Variants in GGA1 observed in about 807,000 individuals in gnomAD.
GGA1 encodes golgi associated, gamma adaptin ear containing, ARF binding protein 1, also known as ADP-ribosylation factor-binding protein GGA1.
A neutral mutation model predicts 76.9 loss-of-function variants in GGA1; 18 were observed. That is an observed-to-expected ratio of 0.23 (90% CI 0.16 to 0.35). The LOEUF is 0.35. GGA1 is among the 10% of genes least tolerant of loss of function. GGA1 has a pLI of 1.00. For synonymous variants in GGA1, 342 were observed against 354.7 expected (o/e 0.96, Z 0.40); for missense variants, 755 against 859.0 (o/e 0.88, Z 1.51).
rs1932054468 is a variant in GGA1 at position 37,632,775 on chromosome 22, A to G, written c.*64A>G. On this transcript the variant is annotated 3_prime_UTR_variant, in exon 17 of 17. Transcript: ENST00000343632. The surrounding 1 kb of genome is among the most constrained non-coding windows in gnomAD (Gnocchi z 5.1). ...GTCACTGTCCAGCCTGGAGGGAGGC[A>G]TTGGTGGCCAAGGACACCCTTTGTT... 1.0e-6 allele frequency: 1 copy of G among 988,980 alleles called. No individual in the cohort carries two copies. The highest frequency in any genetic ancestry group is 1.6e-5 in the African/African-American group (1 of 62,258). The allele number at this position is 988,980 out of a possible 1,614,324, so 61.3% of individuals were successfully genotyped here. A position where few individuals can be genotyped will look rare whatever the true frequency, so the allele number is the denominator to read the frequency against.
chr22:37,630,577 C>A, intron 13 of GGA1: 1 of 447,156 alleles, frequency 2.2e-6, no homozygotes. Context: ...ATCACTTTTT[C>A]TTTTTTTGAG....
chr22:37,630,362 C>G (rs760036453), intron 13 of GGA1, 192 bp downstream of exon 13: 2 of 541,210 alleles, frequency 3.7e-6, no homozygotes, highest in East Asian at 3.4e-5. Context: ...GGCCCACTGG[C>G]CTGGCCTCCC....
chr22:37,616,995 A>G lies in GGA1; in HGVS notation c.202A>G (p.Thr68Ala). 6.2e-7 allele frequency: 1 copy of G among 1,604,038 alleles called. No homozygotes were observed. The highest frequency in any genetic ancestry group is 8.5e-7 in the Non-Finnish European group (1 of 1,175,342). ...PQEWEAIQALTVLETCMKSCG... is the reference protein window; with the variant it reads ...PQEWEAIQALAVLETCMKSCG... ...GGAGTGGGAGGCGATCCAGGCCTTG[A>G]CGGTGAGAAGGGGAGAGGCCACCAT... The change falls in exon 3 of 17, where the codon ACG becomes GCG. Residue 68 changes from threonine to alanine, a missense_variant and splice_region_variant. Thr to Ala is a moderately conservative substitution (Grantham distance 58). Coordinates refer to ENST00000343632, the MANE Select transcript of GGA1 (RefSeq NM_013365.5).
Position 37,624,089 on chromosome 22 carries a change from A to G in GGA1, c.832+456A>G, listed in dbSNP as rs1251163491. The G allele has an allele frequency of 5.8e-6, 1 of 173,406 alleles. No homozygotes were observed. Among genetic ancestry groups the G allele is most frequent in the South Asian group, 1.1e-4 (1 of 8,722 alleles). The allele number at this position is 173,406 out of a possible 1,614,324, so 10.7% of individuals were successfully genotyped here. A position where few individuals can be genotyped will look rare whatever the true frequency, so the allele number is the denominator to read the frequency against. ...CTGACGGCTTCTGCCAGGGCCACAT[A>G]CCAGGTTCTTTTCCTTGATCTCTGC... On this transcript the variant is annotated intron_variant, in intron 9 of 16. Transcript: ENST00000343632. This position sits in a 1 kb window ranked among gnomAD's most constrained non-coding sequence, Gnocchi z 4.3.
At chr22:37,609,408 C>A in intron 1 of GGA1, 1 of 856,654 alleles carries the variant, frequency 1.2e-6, no homozygotes, top group Non-Finnish European at 1.5e-6. Flanking sequence ...GGACCCACTG[C>A]CCCATTTGAT....
rs1465372340 is a variant in GGA1, at chr22:37,624,836, G to A, written c.833-133G>A. 1.5e-5 allele frequency: 19 copies of A among 1,253,574 alleles called. No homozygotes were observed. Among genetic ancestry groups the A allele is most frequent in the Non-Finnish European group, 1.6e-5 (15 of 916,424 alleles). The allele number at this position is 1,253,574 out of a possible 1,614,324, so 77.7% of individuals were successfully genotyped here. ...GCGGAGGGCCAGAGTCTCAGCAGAC[G>A]AGATGGGCTGTTTCCCTGCCCCTTT... On this transcript the variant is annotated intron_variant, in intron 9 of 16. Coordinates refer to ENST00000343632, the MANE Select transcript of GGA1 (RefSeq NM_013365.5). This position sits in a 1 kb window ranked among gnomAD's most constrained non-coding sequence, Gnocchi z 4.3.
intron 13 of GGA1, 77 bp downstream of exon 13, chr22:37,630,247 T>G (rs1022515215): frequency 1.8e-6 from 2 of 1,114,626 alleles, no homozygotes; most frequent in Non-Finnish European, 2.5e-6. Flanking sequence ...CCTGGGCTTG[T>G]CCAGGCCCAG....
chr22:37,608,996 C>A, intron 1 of GGA1, 93 bp downstream of exon 1: 1 of 1,354,282 alleles, frequency 7.4e-7, no homozygotes, highest in Non-Finnish European at 9.5e-7. Context: ...ACGGGTCGCC[C>A]CCTCCTCACG....
At chr22:37,629,915 G>C (rs770956792) in intron 12 of GGA1, 83 bp from the exon 13 acceptor site, 99 of 948,960 alleles carry the variant, frequency 1.0e-4, no homozygotes, top group Non-Finnish European at 1.5e-4. Context: ...TTTGCAAGGA[G>C]GACACTGAGC....
At chr22:37,612,104 C>A (rs372109441) in intron 1 of GGA1, among the ~76,000 whole-genome samples, 1 of 151,392 alleles carries the variant, frequency 6.6e-6, no homozygotes, top group Non-Finnish European at 1.5e-5. Context: ...TGCAGTGAGC[C>A]GAGATCTCGC....
chr22:37,611,939 G>A (rs541458488), intron 1 of GGA1, among the ~76,000 whole-genome samples: 1 of 151,838 alleles, frequency 6.6e-6, no homozygotes, highest in African/African-American at 2.4e-5. Context: ...ATCATTTGAG[G>A]TCAGGAGTTT....
chr22:37,608,888 C>T lies in GGA1; in HGVS notation c.28C>T (p.Leu10=). ...GGAGCCCGCGATGGAGCCGGAGACT[C>T]TGGAGGCGCGAATCAGTGAGTGTCC... MEPAMEPET[L]EARINRATNP... is the part of the protein sequence containing the mutation. The change falls in exon 1 of 17, where the codon CTG becomes TTG. Residue 10 remains leucine (L), a synonymous_variant. Transcript: ENST00000343632. The T allele has an allele frequency of 1.5e-6, 2 of 1,314,942 alleles. No homozygotes were observed. The highest frequency in any genetic ancestry group is 1.9e-6 in the Non-Finnish European group (2 of 1,032,062). 81.5% of individuals were successfully genotyped at this position (1,314,942 alleles called of 1,614,324 possible).
intron 2 of GGA1, 131 bp downstream of exon 2, chr22:37,614,405 C>G: frequency 1.5e-6 from 1 of 666,506 alleles, no homozygotes; most frequent in Non-Finnish European, 2.7e-6. Flanking sequence ...GGATGGGGCA[C>G]TTGGCACTGA....
chr22:37,612,886 AGCTGTCT>A (rs1927996295), intron 1 of GGA1: 1 of 982,200 alleles, frequency 1.0e-6, no homozygotes, highest in Non-Finnish European at 1.2e-6. Context: ...TTAAAGGGGT[AGCTGTCT>A]GGTCGTGTTT....
In GGA1 at chr22:37,618,129, A is replaced by G. The variant is rs950253316; in HGVS notation, c.205-319A>G. The stretch of plus-strand genomic sequence containing the variant: ...AAGAGTGAAACTCTGTCTCAAAAAA[A>G]AAAAAAAAAAGGAAAAATAGTAAGA... On this transcript the variant is annotated intron_variant, in intron 3 of 16. Coordinates refer to ENST00000343632, the MANE Select transcript of GGA1 (RefSeq NM_013365.5). The G allele has an allele frequency of 5.2e-4, 116 of 221,852 alleles. 1 individual carries two copies. The Admixed American group carries it at 6.5e-3, about 13-fold the overall frequency. The allele number at this position is 221,852 out of a possible 1,614,324, so 13.7% of individuals were successfully genotyped here. A position where few individuals can be genotyped will look rare whatever the true frequency, so the allele number is the denominator to read the frequency against.
intron 2 of GGA1, among the ~76,000 whole-genome samples, chr22:37,616,584 A>G (rs1319922122): frequency 6.6e-6 from 1 of 152,126 alleles, no homozygotes; most frequent in Non-Finnish European, 1.5e-5. Context: ...AATTGTCTCT[A>G]TGGCAAGCCA....
intron 2 of GGA1, among the ~76,000 whole-genome samples, chr22:37,616,064 G>A (rs1041696091): frequency 8.5e-5 from 13 of 152,098 alleles, no homozygotes; most frequent in East Asian, 2.0e-4. Flanking sequence ...GGATGGTCTC[G>A]ATCTCCTGAC....
rs572927352 is a variant in GGA1, at chr22:37,623,164, A to G, written c.610-163A>G. 2.0e-5 allele frequency among the ~76,000 whole-genome samples: 3 copies of G among 152,284 alleles called. No homozygotes were observed. The highest frequency in any genetic ancestry group is 2.1e-4 in the South Asian group (1 of 4,830). ...TTGGACCAGCGTGCCCTTCCTAGGC[A>G]TGAGGGGCTCCTGGCAGGGCCTGCT... On this transcript the variant is annotated intron_variant, in intron 7 of 16. Transcript: ENST00000343632. This position sits in a 1 kb window ranked among gnomAD's most constrained non-coding sequence, Gnocchi z 4.6.
intron 5 of GGA1, among the ~76,000 whole-genome samples, 196 bp downstream of exon 5, chr22:37,620,557 G>A (rs891820895): frequency 2.0e-5 from 3 of 152,192 alleles, no homozygotes; most frequent in Non-Finnish European, 2.9e-5. Context: ...AAGAAGGTGA[G>A]TTCGAATCAA....
Sources: allele counts gnomAD v4.1 joint callset (sites outside exome capture counted in the v4.1 genomes callset), GRCh38; gene constraint gnomAD v4.1.1; non-coding constraint Gnocchi (gnomAD v3.1); transcripts MANE v1.5; gene names NCBI Gene and HGNC (gene_info 2026-07-23, HGNC 2026-07-21).